Variants in DNMT3A observed in about 807,000 individuals in gnomAD.
DNMT3A encodes the protein DNA (cytosine-5)-methyltransferase 3A.
DNMT3A carries 267 observed loss-of-function variants against 117.6 expected under a neutral mutation model. That is an observed-to-expected ratio of 2.27 (90% CI 2.05 to 2.51). The LOEUF is 2.51. Among genes scored for constraint, DNMT3A ranks in the 30% most tolerant of loss-of-function variants. The pLI, the probability that DNMT3A is intolerant of heterozygous loss-of-function variation, is 0.00. For synonymous variants in DNMT3A, 432 were observed against 474.8 expected (o/e 0.91, Z 1.17); for missense variants, 1,029 against 1,260.2 (o/e 0.82, Z 2.78).
At chr2:25,316,180 T>C (rs1243077174) in intron 1 of DNMT3A, among the ~76,000 whole-genome samples, 4 of 152,206 alleles carry the variant, frequency 2.6e-5, no homozygotes, top group Non-Finnish European at 4.4e-5. Flanking sequence ...GAGGGTTGTC[T>C]TGATGCTGCC....
At position 25,337,633 on chromosome 2, in the gene DNMT3A, C is replaced by T. The variant is rs537247937; in HGVS notation, c.-178+4193G>A. Among the ~76,000 whole-genome samples, 87 of 152,342 alleles carry T rather than the reference C, an allele frequency of 5.7e-4. No homozygotes were observed. Among genetic ancestry groups the T allele is most frequent in the African/African-American group, 2.0e-3 (83 of 41,578 alleles). The stretch of plus-strand genomic sequence containing the variant: ...TCCTACCCATCCACAGGTGGCGGCA[C>T]ACCACGTACACACACATCATGCACA... On this transcript the variant is annotated intron_variant, in intron 1 of 22. Coordinates refer to ENST00000321117, the MANE Select transcript of DNMT3A (RefSeq NM_022552.5). The surrounding 1 kb of genome is among the most constrained non-coding windows in gnomAD (Gnocchi z 5.0).
At position 25,236,132 on chromosome 2, in the gene DNMT3A, C is replaced by T. The variant is rs1488518977; in HGVS notation, c.2479-307G>A. Among the ~76,000 whole-genome samples, 1 of 151,464 alleles carries T rather than the reference C, an allele frequency of 6.6e-6. No homozygotes were observed. The highest frequency in any genetic ancestry group is 1.9e-4 in the East Asian group (1 of 5,144). On this transcript the variant is annotated intron_variant, in intron 21 of 22. Transcript: ENST00000321117. This position sits in a 1 kb window ranked among gnomAD's most constrained non-coding sequence, Gnocchi z 4.5. ...CCAGGCTGGACTGCAGTGGTGCGAT[C>T]TCAGCTCACTGTAACCTCCACCTCC...
intron 6 of DNMT3A, among the ~76,000 whole-genome samples, chr2:25,251,388 G>A (rs1160708694): frequency 3.3e-5 from 5 of 152,086 alleles, no homozygotes; most frequent in African/African-American, 1.2e-4. Flanking sequence ...GAGAAACCAG[G>A]CGGCATTCAA....
At chr2:25,319,021 T>C (rs1453185538) in intron 1 of DNMT3A, among the ~76,000 whole-genome samples, 6 of 146,816 alleles carry the variant, frequency 4.1e-5, no homozygotes, top group Non-Finnish European at 6.0e-5. Context: ...TTCTTTCTTT[T>C]TTTTTTTTTT....
At position 25,247,756 on chromosome 2, in the gene DNMT3A, C is replaced by T; in HGVS notation, c.856-7G>A. The stretch of plus-strand genomic sequence containing the variant: ...TGCCAAAGCCCCGGCCGTCCTGGAG[C>T]CCCAAGGAGCAGAAATCATTACACA... On this transcript the variant is annotated splice_polypyrimidine_tract_variant and splice_region_variant and intron_variant, in intron 7 of 22. Coordinates refer to ENST00000321117, the MANE Select transcript of DNMT3A (RefSeq NM_022552.5). The surrounding 1 kb of genome is among the most constrained non-coding windows in gnomAD (Gnocchi z 5.6). 1 of 1,611,164 alleles carries T rather than the reference C, an allele frequency of 6.2e-7. No homozygotes were observed. Among genetic ancestry groups the T allele is most frequent in the Non-Finnish European group, 8.5e-7 (1 of 1,179,868 alleles).
chr2:25,240,229 T>G, intron 19 of DNMT3A, 73 bp downstream of exon 19: 1 of 1,600,336 alleles, frequency 6.2e-7, no homozygotes. Context: ...ACAATGCAGA[T>G]GAGACAGGAT....
chr2:25,339,987 G>A lies in DNMT3A; in HGVS notation c.-178+1839C>T, dbSNP rs893852309. ...CAGCCTAGGGTGAAACATGAAGACT[G>A]AGCAGGCCCTCAGGGATGCTGATGG... On this transcript the variant is annotated intron_variant, in intron 1 of 22. Coordinates refer to ENST00000321117, the MANE Select transcript of DNMT3A (RefSeq NM_022552.5). This position sits in a 1 kb window ranked among gnomAD's most constrained non-coding sequence, Gnocchi z 4.9. Among the ~76,000 whole-genome samples, 11 of 152,196 alleles carry A rather than the reference G, an allele frequency of 7.2e-5. No individual in the cohort carries two copies. Among genetic ancestry groups the A allele is most frequent in the African/African-American group, 2.2e-4 (9 of 41,454 alleles).
In DNMT3A at chr2:25,247,001, C is replaced by A; in HGVS notation, c.1122+50G>T. ...CCCGACCTGCACTCCAACTTCCAGG[C>A]CTCCTAGTGCTCTAGGCTCCTCCTC... On this transcript the variant is annotated intron_variant, in intron 9 of 22. Coordinates refer to ENST00000321117, the MANE Select transcript of DNMT3A (RefSeq NM_022552.5). This position sits in a 1 kb window ranked among gnomAD's most constrained non-coding sequence, Gnocchi z 5.6. 2.5e-6 allele frequency: 4 copies of A among 1,584,154 alleles called. No individual in the cohort carries two copies. The highest frequency in any genetic ancestry group is 3.4e-6 in the Non-Finnish European group (4 of 1,162,572).
At chr2:25,249,793 A>T (rs1438098900) in intron 6 of DNMT3A, 1 of 1,564,288 alleles carries the variant, frequency 6.4e-7, no homozygotes, top group Non-Finnish European at 8.8e-7. Context: ...AATCTAGGAA[A>T]CACGGCCCTC....
chr2:25,233,203 C>T lies in DNMT3A; in HGVS notation c.*1076G>A, dbSNP rs775810747. 1.1e-4 allele frequency: 25 copies of T among 233,576 alleles called. No individual in the cohort carries two copies. Among genetic ancestry groups the T allele is most frequent in the African/African-American group, 4.9e-4 (22 of 45,308 alleles). The allele number at this position is 233,576 out of a possible 1,614,324, so 14.5% of individuals were successfully genotyped here. A position where few individuals can be genotyped will look rare whatever the true frequency, so the allele number is the denominator to read the frequency against. Reference sequence around the variant, plus strand: ...GATGAATCCCACTCTCAGCTGTCCACGGGCCCGACCACCTCATCTAGCCCC... The same window carrying T: ...GATGAATCCCACTCTCAGCTGTCCATGGGCCCGACCACCTCATCTAGCCCC... On this transcript the variant is annotated 3_prime_UTR_variant, in exon 23 of 23. Coordinates refer to ENST00000321117, the MANE Select transcript of DNMT3A (RefSeq NM_022552.5).
chr2:25,292,693 C>T (rs947853586), intron 3 of DNMT3A, among the ~76,000 whole-genome samples: 2 of 152,278 alleles, frequency 1.3e-5, no homozygotes, highest in East Asian at 1.9e-4. Flanking sequence ...GGCAGCCTTG[C>T]CTTCCCCTTG....
intron 1 of DNMT3A, among the ~76,000 whole-genome samples, chr2:25,331,838 G>A (rs1351039193): frequency 4.8e-5 from 6 of 124,798 alleles, no homozygotes; most frequent in East Asian, 2.3e-4. Flanking sequence ...AATCCCACCC[G>A]CCCTCAAGCC....
Position 25,275,445 on chromosome 2 carries a change from C to G in DNMT3A, c.492+55G>C, listed in dbSNP as rs192979065. 6.8e-4 allele frequency: 1,068 copies of G among 1,575,442 alleles called. 6 individuals carry two copies. The African/African-American group carries it at 0.012, about 18-fold the overall frequency. Reference sequence around the variant, plus strand: ...CGCCCCCTCACACACACTCGCCACCCGTGTCCTTCTTCTAGAATCAGGATC... The same window carrying G: ...CGCCCCCTCACACACACTCGCCACCGGTGTCCTTCTTCTAGAATCAGGATC... On this transcript the variant is annotated intron_variant, in intron 5 of 22. Transcript: ENST00000321117.
chr2:25,291,089 C>T (rs949677112), intron 3 of DNMT3A, among the ~76,000 whole-genome samples: 4 of 152,208 alleles, frequency 2.6e-5, no homozygotes, highest in Non-Finnish European at 4.4e-5. Context: ...AGCCACAGGA[C>T]AGAGGGGTGC....
At chr2:25,303,223 T>G (rs2033611834) in intron 2 of DNMT3A, among the ~76,000 whole-genome samples, 1 of 152,200 alleles carries the variant, frequency 6.6e-6, no homozygotes, top group Non-Finnish European at 1.5e-5. Flanking sequence ...AACCAGAGCG[T>G]CTGATCAGTG....
chr2:25,243,866 C>CA, intron 16 of DNMT3A, 32 bp downstream of exon 16: 3 of 1,551,108 alleles, frequency 1.9e-6, no homozygotes, highest in Non-Finnish European at 2.6e-6. Flanking sequence ...TGGGACAAGG[C>CA]GGCCAGCACC....
At position 25,294,204 on chromosome 2, in the gene DNMT3A, C is replaced by T. The variant is rs1335490642; in HGVS notation, c.177+5935G>A. On this transcript the variant is annotated intron_variant, in intron 3 of 22. Transcript: ENST00000321117. The surrounding 1 kb of genome is among the most constrained non-coding windows in gnomAD (Gnocchi z 4.7). ...CACCTCCTCCATCTTCCCTGGCTTCCCCGGCATCCTTAGGAGTCCCACTGC... is the reference window on the plus strand; with the variant it reads ...CACCTCCTCCATCTTCCCTGGCTTCTCCGGCATCCTTAGGAGTCCCACTGC... 1.3e-5 allele frequency among the ~76,000 whole-genome samples: 2 copies of T among 152,134 alleles called. No homozygotes were observed. The highest frequency in any genetic ancestry group is 3.9e-4 in the East Asian group (2 of 5,194).
chr2:25,250,603 C>T (rs975084184), intron 6 of DNMT3A, among the ~76,000 whole-genome samples: 7 of 152,326 alleles, frequency 4.6e-5, no homozygotes, highest in African/African-American at 1.7e-4. Flanking sequence ...AAGTGTGGAC[C>T]CCGCTATGGG....
At position 25,228,199 on chromosome 2, in the gene DNMT3A, C is replaced by CAA. The variant is rs1355605914; in HGVS notation, c.*6079_*6080insTT. ...ATTGTCAATAAATAGAGAAGCAACC[C>CAA]TAAAAAAAAAAAAAAAAAAAAAAAA... On this transcript the variant is annotated 3_prime_UTR_variant, in exon 23 of 23. Transcript: ENST00000321117. 2.7e-4 allele frequency: 1 copy of CAA among 3,716 alleles called. No homozygotes were observed. 0.2% of individuals were successfully genotyped at this position (3,716 alleles called of 1,614,324 possible).
Sources: gnomAD v4.1 joint callset for allele counts (sites outside exome capture counted in the v4.1 genomes callset) on GRCh38, gnomAD v4.1.1 for gene constraint, Gnocchi (gnomAD v3.1) non-coding constraint, MANE v1.5 for transcripts, NCBI Gene and HGNC (gene_info 2026-07-23, HGNC 2026-07-21) for gene names.